Variants in SNTB1 observed in about 807,000 individuals in gnomAD.
SNTB1 encodes syntrophin beta 1.
In SNTB1, 36 loss-of-function variants were observed where a neutral mutation model predicts 48.9. The ratio of observed to expected loss-of-function variants is 0.74; its 90% CI spans 0.56 to 0.97. The LOEUF (loss-of-function observed/expected upper bound fraction) is 0.97. Among genes scored for constraint, SNTB1 ranks in the 50% least tolerant of loss-of-function variants. The pLI, the probability that SNTB1 is intolerant of heterozygous loss-of-function variation, is 0.00. For missense variants in SNTB1, 786 were observed against 703.4 expected (o/e 1.12, Z -1.33); for synonymous variants, 299 against 294.6 (o/e 1.01, Z -0.15).
At chr8:120,612,637 T>A (rs1667906152) in intron 3 of SNTB1, among the ~76,000 whole-genome samples, 1 of 152,144 alleles carries the variant, frequency 6.6e-6, no homozygotes, top group African/African-American at 2.4e-5. Flanking sequence ...CACTGCAACC[T>A]CCGCCTCCTG....
chr8:120,773,173 G>A (rs1819670519), intron 1 of SNTB1, among the ~76,000 whole-genome samples: 1 of 152,134 alleles, frequency 6.6e-6, no homozygotes, highest in South Asian at 2.1e-4. Context: ...ATGAACTTGG[G>A]GTAATATGGA....
At chr8:120,641,090 C>T (rs758396007) in intron 2 of SNTB1, among the ~76,000 whole-genome samples, 3 of 151,420 alleles carry the variant, frequency 2.0e-5, no homozygotes, top group Non-Finnish European at 4.4e-5. Context: ...TTAATAATTA[C>T]AATCAACTGT....
chr8:120,574,241 A>G (rs183648552), intron 4 of SNTB1, among the ~76,000 whole-genome samples: 3 of 152,370 alleles, frequency 2.0e-5, no homozygotes, highest in Non-Finnish European at 4.4e-5. Flanking sequence ...GCCAAAGGGC[A>G]CGAAATTTTT....
At chr8:120,670,487 G>A in intron 2 of SNTB1, among the ~76,000 whole-genome samples, 1 of 152,216 alleles carries the variant, frequency 6.6e-6, no homozygotes, top group East Asian at 1.9e-4. Context: ...ACTGAAGGAT[G>A]ACCACAGGCT....
At chr8:120,595,932 A>G (rs1038011969) in intron 3 of SNTB1, among the ~76,000 whole-genome samples, 6 of 152,208 alleles carry the variant, frequency 3.9e-5, no homozygotes, top group Non-Finnish European at 7.3e-5. Flanking sequence ...ATGAGATCCA[A>G]GAATCCTCTC....
intron 2 of SNTB1, among the ~76,000 whole-genome samples, chr8:120,682,414 C>G (rs1817946211): frequency 6.6e-6 from 1 of 152,186 alleles, no homozygotes. Flanking sequence ...TAGTCTCATT[C>G]ACTATATATG....
At chr8:120,707,488 T>C (rs906897144) in intron 1 of SNTB1, among the ~76,000 whole-genome samples, 8 of 152,194 alleles carry the variant, frequency 5.3e-5, no homozygotes, top group African/African-American at 1.9e-4. Context: ...GTCAGAAGAA[T>C]AAAACCTCAC....
chr8:120,768,916 A>G (rs890704525), intron 1 of SNTB1: 10 of 152,194 alleles, frequency 6.6e-5, no homozygotes, highest in Middle Eastern at 3.2e-3. Context: ...ATTCAGGTCC[A>G]TCTCAGTGGC....
At chr8:120,643,042 G>A (rs1320555561) in intron 2 of SNTB1, among the ~76,000 whole-genome samples, 1 of 152,230 alleles carries the variant, frequency 6.6e-6, no homozygotes, top group Non-Finnish European at 1.5e-5. Context: ...GCTGACAGGG[G>A]TTGCAGGCAT....
At chr8:120,758,769 C>A (rs545579890) in intron 1 of SNTB1, among the ~76,000 whole-genome samples, 1 of 152,268 alleles carries the variant, frequency 6.6e-6, no homozygotes, top group African/African-American at 2.4e-5. Context: ...GTGGCCTACA[C>A]AGGGGGCCCA....
At chr8:120,755,541 AG>A (rs763636079) in intron 1 of SNTB1, among the ~76,000 whole-genome samples, 2 of 152,138 alleles carry the variant, frequency 1.3e-5, no homozygotes, top group African/African-American at 2.4e-5. Context: ...CAATGTGAAA[AG>A]GGGCAATTTA....
chr8:120,762,582 G>A (rs368828535), intron 1 of SNTB1, among the ~76,000 whole-genome samples: 1 of 152,120 alleles, frequency 6.6e-6, no homozygotes, highest in Non-Finnish European at 1.5e-5. Context: ...TCATAGGCTC[G>A]TTGCCAACAT....
chr8:120,576,344 T>C (rs1354790906), intron 3 of SNTB1, among the ~76,000 whole-genome samples: 1 of 152,254 alleles, frequency 6.6e-6, no homozygotes, highest in Non-Finnish European at 1.5e-5. Context: ...AAATAAGTGA[T>C]AAAGCTAATT....
intron 2 of SNTB1, among the ~76,000 whole-genome samples, chr8:120,640,576 T>A (rs1027772386): frequency 2.0e-5 from 3 of 152,012 alleles, no homozygotes; most frequent in African/African-American, 7.2e-5. Flanking sequence ...TTATTGAGAG[T>A]TTTTAGCATG....
chr8:120,769,991 CAG>C (rs1470999952), intron 1 of SNTB1, among the ~76,000 whole-genome samples: 1 of 152,166 alleles, frequency 6.6e-6, no homozygotes, highest in African/African-American at 2.4e-5. Flanking sequence ...ACTCTTAGCT[CAG>C]AGTTCTCTCT....
chr8:120,764,072 TC>T (rs1205378614), intron 1 of SNTB1, among the ~76,000 whole-genome samples: 5 of 152,200 alleles, frequency 3.3e-5, no homozygotes, highest in Admixed American at 2.6e-4. Flanking sequence ...CAGAATAAAT[TC>T]TAATTCTTGG....
At chr8:120,747,794 A>G (rs1819152197) in intron 1 of SNTB1, among the ~76,000 whole-genome samples, 1 of 152,218 alleles carries the variant, frequency 6.6e-6, no homozygotes, top group Admixed American at 6.5e-5. Flanking sequence ...CTATATAACA[A>G]ACCTGCACAT....
rs1351444834 is a variant in SNTB1, at chr8:120,811,661, C to T, written c.183G>A (p.Gly61=). 2 of 1,593,470 alleles carry T rather than the reference C, an allele frequency of 1.3e-6. No homozygotes were observed. The highest frequency in any genetic ancestry group is 1.7e-6 in the Non-Finnish European group (2 of 1,173,554). ...TGCAGAACGAGCCATTGGTGGCGGT[C>T]CCGATGCCGTTGTACGCCGCAGCGC... ...EEGAAAYNGI[G]TATNGSFCRG... is the part of the protein sequence containing the mutation. Residue 61 remains glycine, a synonymous_variant, in exon 1 of 7, where the codon GGG becomes GGA. Transcript: ENST00000517992.
intron 2 of SNTB1, 126 bp from the exon 3 acceptor site, chr8:120,632,777 G>T: frequency 4.0e-6 from 3 of 745,414 alleles, no homozygotes; most frequent in South Asian, 1.8e-5. Context: ...CTAACGGGAT[G>T]CCTTAACAGT....
Sources: allele counts gnomAD v4.1 joint callset (sites outside exome capture counted in the v4.1 genomes callset), GRCh38; gene constraint gnomAD v4.1.1; transcripts MANE v1.5; gene names NCBI Gene and HGNC (gene_info 2026-07-23, HGNC 2026-07-21).